Variants in TBC1D23 observed in about 807,000 individuals in gnomAD.
TBC1D23 encodes HCV non-structural protein 4A-transactivated protein 1.
In TBC1D23, 55 loss-of-function variants were observed where a neutral mutation model predicts 91.4. The observed-to-expected ratio is 0.60, with a 90% CI of 0.48 to 0.75. The LOEUF (loss-of-function observed/expected upper bound fraction) is 0.75, where lower values mean the gene tolerates loss of function less well. Among genes scored for constraint, TBC1D23 ranks in the 30% least tolerant of loss-of-function variants. The pLI is 0.00. For missense variants in TBC1D23, 725 were observed against 836.1 expected, an observed-to-expected ratio of 0.87 and a Z score of 1.64; for synonymous variants, 289 against 281.0, an observed-to-expected ratio of 1.03 and a Z score of -0.28.
At chr3:100,314,882 A>G (rs1705706176) in intron 15 of TBC1D23, among the ~76,000 whole-genome samples, 1 of 152,186 alleles carries the variant, frequency 6.6e-6, no homozygotes, top group African/African-American at 2.4e-5. Context: ...TTCATGTTAC[A>G]TGCACACACC....
At chr3:100,304,294 AG>A (rs1279497774) in intron 11 of TBC1D23, among the ~76,000 whole-genome samples, 2 of 152,080 alleles carry the variant, frequency 1.3e-5, no homozygotes, top group African/African-American at 4.8e-5. Context: ...TTCTTTGTTT[AG>A]GGGAAGGAGG....
intron 1 of TBC1D23, chr3:100,267,365 G>T: frequency 6.8e-6 from 2 of 294,080 alleles, no homozygotes; most frequent in Non-Finnish European, 1.4e-5. Flanking sequence ...AAGGGTCTGC[G>T]TAACTTTTTA....
At position 100,283,761 on chromosome 3, in the gene TBC1D23, C is replaced by T; in HGVS notation, c.426C>T (p.Arg142=). The part of the protein sequence containing the change: ...LKPLVHLQLP[R]SDLYNCFYAI... Reference sequence around the variant, plus strand: ...CATTGGTGCATCTTCAACTGCCACGCAGCGATTTATACAACTGCTTTTATG... The same window carrying T: ...CATTGGTGCATCTTCAACTGCCACGTAGCGATTTATACAACTGCTTTTATG... The change falls in exon 4 of 19, where the codon CGC becomes CGT. Residue 142 remains arginine (R), a synonymous_variant. Coordinates refer to ENST00000394144, the MANE Select transcript of TBC1D23 (RefSeq NM_001199198.3). 6.2e-7 allele frequency: 1 copy of T among 1,613,320 alleles called. No individual in the cohort carries two copies. The highest frequency in any genetic ancestry group is 8.5e-7 in the Non-Finnish European group (1 of 1,179,272).
intron 1 of TBC1D23, among the ~76,000 whole-genome samples, chr3:100,274,628 A>G (rs563647498): frequency 2.1e-3 from 316 of 151,898 alleles, no homozygotes; most frequent in Middle Eastern, 6.9e-3. Flanking sequence ...GGTACCTCAC[A>G]TAAGTGGCAT....
chr3:100,288,249 A>T (rs1424284278), intron 4 of TBC1D23, among the ~76,000 whole-genome samples: 1 of 151,894 alleles, frequency 6.6e-6, no homozygotes, highest in Non-Finnish European at 1.5e-5. Flanking sequence ...GTCTAAAAAA[A>T]AAAAAAATTA....
At chr3:100,293,355 G>A (rs1182958312) in intron 5 of TBC1D23, among the ~76,000 whole-genome samples, 3 of 151,722 alleles carry the variant, frequency 2.0e-5, no homozygotes, top group Non-Finnish European at 2.9e-5. Flanking sequence ...GGATGGTCTC[G>A]ATCTCCTGAC....
intron 1 of TBC1D23, 49 bp downstream of exon 1, chr3:100,261,120 T>C (rs2067506573): frequency 6.4e-7 from 1 of 1,564,236 alleles, no homozygotes; most frequent in Non-Finnish European, 8.8e-7. Flanking sequence ...TTCTTCCTTC[T>C]CACCATCTTG....
At chr3:100,299,173 A>C (rs991481862) in intron 9 of TBC1D23, 66 bp from the exon 10 acceptor site, 4 of 1,037,060 alleles carry the variant, frequency 3.9e-6, no homozygotes, top group Non-Finnish European at 6.0e-6. Context: ...TTAACTGTGA[A>C]TATTATGTTG....
At chr3:100,261,626 CT>C in intron 1 of TBC1D23, 1 of 152,280 alleles carries the variant, frequency 6.6e-6, no homozygotes, top group Non-Finnish European at 1.5e-5. Flanking sequence ...CGCAAGTCAT[CT>C]TTTCCCCTAC....
intron 12 of TBC1D23, among the ~76,000 whole-genome samples, chr3:100,305,724 A>T (rs1161598447): frequency 1.3e-5 from 2 of 152,154 alleles, no homozygotes; most frequent in African/African-American, 4.8e-5. Flanking sequence ...AACAAGGATT[A>T]TGATTATCTT....
intron 16 of TBC1D23, among the ~76,000 whole-genome samples, chr3:100,318,161 G>A (rs1291648380): frequency 6.6e-6 from 1 of 150,534 alleles, no homozygotes; most frequent in Non-Finnish European, 1.5e-5. Flanking sequence ...TAGATAACGT[G>A]CGATTTCCTT....
At chr3:100,309,607 C>CTTATTTT (rs1231340619) in intron 13 of TBC1D23, among the ~76,000 whole-genome samples, 1 of 92,450 alleles carries the variant, frequency 1.1e-5, no homozygotes. Context: ...TTTATTCTAC[C>CTTATTTT]TTCTTTTTTT....
intron 1 of TBC1D23, among the ~76,000 whole-genome samples, chr3:100,276,010 G>T (rs1334204907): frequency 6.6e-6 from 1 of 151,834 alleles, no homozygotes; most frequent in Non-Finnish European, 1.5e-5. Context: ...GGTCAGGGTA[G>T]GAGGTGCTGG....
chr3:100,313,537 T>C (rs1371901124), intron 15 of TBC1D23, among the ~76,000 whole-genome samples: 1 of 152,198 alleles, frequency 6.6e-6, no homozygotes, highest in Non-Finnish European at 1.5e-5. Context: ...TTCATGTTTA[T>C]AAAAAATTTG....
At chr3:100,278,543 G>A (rs1006497447) in intron 1 of TBC1D23, among the ~76,000 whole-genome samples, 2 of 152,004 alleles carry the variant, frequency 1.3e-5, no homozygotes, top group Admixed American at 6.6e-5. Context: ...TGCCACCACA[G>A]CCCGCTAATT....
At chr3:100,262,134 A>G (rs981418582) in intron 1 of TBC1D23, among the ~76,000 whole-genome samples, 1 of 152,244 alleles carries the variant, frequency 6.6e-6, no homozygotes, top group African/African-American at 2.4e-5. Flanking sequence ...GGGCTCTCCA[A>G]GGTGTCAGAG....
chr3:100,307,174 G>C (rs1475420928), intron 13 of TBC1D23, among the ~76,000 whole-genome samples: 1 of 152,164 alleles, frequency 6.6e-6, no homozygotes, highest in Non-Finnish European at 1.5e-5. Flanking sequence ...AAATATTTGG[G>C]TAATAGGTCT....
At chr3:100,311,760 T>G in intron 14 of TBC1D23, 73 bp from the exon 15 acceptor site, 1 of 999,636 alleles carries the variant, frequency 1.0e-6, no homozygotes, top group Non-Finnish European at 1.5e-6. Context: ...AACTGTACCA[T>G]ATTTTTTGTT....
intron 1 of TBC1D23, among the ~76,000 whole-genome samples, chr3:100,263,772 C>T (rs757981707): frequency 3.3e-5 from 5 of 152,234 alleles, no homozygotes; most frequent in Admixed American, 1.3e-4. Flanking sequence ...TCATAGAGTG[C>T]CATGAGGGGA....
Sources: allele counts gnomAD v4.1 joint callset (sites outside exome capture counted in the v4.1 genomes callset), GRCh38; gene constraint gnomAD v4.1.1; transcripts MANE v1.5; gene names NCBI Gene and HGNC (gene_info 2026-07-23, HGNC 2026-07-21).